Variants in LPIN1 observed in about 807,000 individuals in gnomAD.
LPIN1 encodes lipin 1, also known as phosphatidate phosphatase LPIN1.
A neutral mutation model predicts 107.5 loss-of-function variants in LPIN1; 71 were observed. That is an observed-to-expected ratio of 0.66 (90% confidence interval 0.55 to 0.80). The LOEUF is 0.80. Among genes scored for constraint, LPIN1 ranks in the 30% least tolerant of loss-of-function variants. LPIN1 has a pLI of 0.00. For synonymous variants in LPIN1, 445 were observed against 452.6 expected (o/e 0.98, Z 0.21); for missense variants, 1,043 against 1,160.6 (o/e 0.90, Z 1.47).
intron 1 of LPIN1, among the ~76,000 whole-genome samples, chr2:11,709,673 G>T (rs73915498): frequency 0.022 from 3,351 of 152,302 alleles, 132 homozygotes; most frequent in African/African-American, 0.076. Flanking sequence ...GTTTCTATAT[G>T]AAAATGTTAC....
rs548444822 is a variant in LPIN1 at position 11,801,448 on chromosome 2, G to T, written c.1887-1459G>T. ...TAAAAAAGAATGAATCCTGTCATTT[G>T]TGGCAACGTGGGTGGAATAGGAGGT... On this transcript the variant is annotated intron_variant, in intron 14 of 20. Transcript: ENST00000674199. Among the ~76,000 whole-genome samples the T allele has an allele frequency of 1.3e-4, 20 of 152,332 alleles. 1 individual carries two copies. The South Asian group carries it at 4.1e-3, about 32-fold the overall frequency.
At chr2:11,759,295 A>G (rs1380853110) in intron 1 of LPIN1, among the ~76,000 whole-genome samples, 2 of 151,832 alleles carry the variant, frequency 1.3e-5, no homozygotes, top group Non-Finnish European at 2.9e-5. Context: ...AAGTGAACAA[A>G]GGTCTCTGGT....
chr2:11,804,986 T>TG, intron 16 of LPIN1, 84 bp from the exon 17 acceptor site: 94 of 836,842 alleles, frequency 1.1e-4, no homozygotes, highest in Middle Eastern at 2.3e-4. Flanking sequence ...GTTTGTGTTT[T>TG]TTTTTTTTTT....
intron 9 of LPIN1, chr2:11,784,329 G>A: frequency 1.4e-6 from 1 of 710,458 alleles, no homozygotes. Flanking sequence ...AAAAAAGTGT[G>A]AGAGAGAGGC....
intron 1 of LPIN1, among the ~76,000 whole-genome samples, chr2:11,700,877 C>T (rs772159538): frequency 2.6e-5 from 4 of 152,212 alleles, no homozygotes; most frequent in Non-Finnish European, 5.9e-5. Flanking sequence ...CTCCATATGC[C>T]TAGGCTCCCA....
intron 1 of LPIN1, among the ~76,000 whole-genome samples, chr2:11,762,523 C>T (rs1336865717): frequency 6.6e-6 from 1 of 152,112 alleles, no homozygotes; most frequent in Admixed American, 6.5e-5. Context: ...CCCCCATCCT[C>T]CGAGAGTCCT....
chr2:11,803,087 G>A lies in LPIN1; in HGVS notation c.2013+54G>A, dbSNP rs186381518. On this transcript the variant is annotated intron_variant, in intron 15 of 20. Coordinates refer to ENST00000674199, the MANE Select transcript of LPIN1 (RefSeq NM_001349206.2). This position sits in a 1 kb window ranked among gnomAD's most constrained non-coding sequence, Gnocchi z 4.2. ...GTTGTGAGCACATGAGGTTTCTGCA[G>A]ACTCCTAAGGCTGTGTGATGGTTGG... 3.1e-6 allele frequency: 5 copies of A among 1,608,852 alleles called. No homozygotes were observed. Among genetic ancestry groups the A allele is most frequent in the Admixed American group, 3.3e-5 (2 of 60,018 alleles).
chr2:11,798,250 C>T (rs140954635), intron 14 of LPIN1, among the ~76,000 whole-genome samples: 336 of 152,250 alleles, frequency 2.2e-3, no homozygotes, highest in African/African-American at 7.6e-3. Context: ...AGTGTGAGAA[C>T]GGACTAATAC....
intron 1 of LPIN1, among the ~76,000 whole-genome samples, chr2:11,726,321 G>C (rs1664648412): frequency 6.6e-6 from 1 of 152,104 alleles, no homozygotes. Flanking sequence ...ATGACGAATC[G>C]GTCTCCATCT....
At chr2:11,764,031 C>A (rs1670311626) in intron 1 of LPIN1, among the ~76,000 whole-genome samples, 3 of 125,904 alleles carry the variant, frequency 2.4e-5, no homozygotes, top group Admixed American at 8.1e-5. Flanking sequence ...TTTTGTCCAG[C>A]CAGAGCAAGA....
Position 11,771,521 on chromosome 2 carries a change from G to T in LPIN1, c.438G>T (p.Pro146=), listed in dbSNP as rs762701125. Residue 146 remains proline (P), a synonymous_variant, in exon 4 of 21, where the codon CCG becomes CCT. Coordinates refer to ENST00000674199, the MANE Select transcript of LPIN1 (RefSeq NM_001349206.2). This position sits in a 1 kb window ranked among gnomAD's most constrained non-coding sequence, Gnocchi z 4.8. ...PAQVIAPSET[P]SSSSVVKKRR... The stretch of plus-strand genomic sequence containing the variant: ...AAGTGATCGCTCCCAGCGAGACGCC[G>T]TCAAGCAGCTCTGTAGTAAAGAAGA... 53 of 1,614,140 alleles carry T rather than the reference G, an allele frequency of 3.3e-5. No individual in the cohort carries two copies. The highest frequency in any genetic ancestry group is 4.2e-5 in the Non-Finnish European group (50 of 1,180,024).
intron 2 of LPIN1, among the ~76,000 whole-genome samples, chr2:11,766,446 C>T (rs866782312): frequency 1.4e-4 from 22 of 152,092 alleles, no homozygotes; most frequent in South Asian, 2.1e-4. Flanking sequence ...TAGCCTCCTG[C>T]CAGAAGCAGA....
At chr2:11,708,655 A>T (rs1440787367) in intron 1 of LPIN1, among the ~76,000 whole-genome samples, 1 of 152,184 alleles carries the variant, frequency 6.6e-6, no homozygotes, top group African/African-American at 2.4e-5. Context: ...GCTGTGTTGC[A>T]CTTGGCCAGT....
In LPIN1 at chr2:11,791,898, C is replaced by A; in HGVS notation, c.1714-16C>A. On this transcript the variant is annotated splice_polypyrimidine_tract_variant and intron_variant, in intron 12 of 20. Coordinates refer to ENST00000674199, the MANE Select transcript of LPIN1 (RefSeq NM_001349206.2). ...TTTTTTGTTCCATTATTTATGTTAC[C>A]ATCCATTTAAAACAGGCCACTGTGG... 1 of 1,611,756 alleles carries A rather than the reference C, an allele frequency of 6.2e-7. No homozygotes were observed. Among genetic ancestry groups the A allele is most frequent in the South Asian group, 1.1e-5 (1 of 90,906 alleles).
intron 1 of LPIN1, among the ~76,000 whole-genome samples, chr2:11,701,726 C>T (rs951949276): frequency 3.3e-5 from 5 of 152,206 alleles, no homozygotes; most frequent in East Asian, 3.8e-4. Flanking sequence ...ATGACTAGGT[C>T]GAGGTCACAC....
In LPIN1 at chr2:11,793,687, A is replaced by G. The variant is rs1676180042; in HGVS notation, c.1806+1681A>G. On this transcript the variant is annotated intron_variant, in intron 13 of 20. Transcript: ENST00000674199. The stretch of plus-strand genomic sequence containing the variant: ...TCTCCCCTGCTTCGCTTAGCTAACT[A>G]GCAGATCCAGTAGCCCTTTCCCTGC... Among the ~76,000 whole-genome samples the G allele has an allele frequency of 2.6e-5, 4 of 152,322 alleles. No individual in the cohort carries two copies. The South Asian group carries it at 6.2e-4, about 24-fold the overall frequency.
intron 1 of LPIN1, among the ~76,000 whole-genome samples, chr2:11,758,251 CCTG>C (rs1558817133): frequency 6.6e-6 from 1 of 150,968 alleles, no homozygotes; most frequent in Non-Finnish European, 1.5e-5. Context: ...CTTTTCGAGA[CCTG>C]CTTTCAGTTT....
chr2:11,748,550 TG>T (rs1667307484), intron 1 of LPIN1, among the ~76,000 whole-genome samples: 1 of 152,174 alleles, frequency 6.6e-6, no homozygotes, highest in Admixed American at 6.5e-5. Flanking sequence ...CGAATCATTG[TG>T]GTTGTTATGA....
chr2:11,795,491 C>A lies in LPIN1; in HGVS notation c.1886+4C>A, dbSNP rs774682203. 3 of 1,613,500 alleles carry A rather than the reference C, an allele frequency of 1.9e-6. No homozygotes were observed. In the African/African-American group the frequency reaches 4.0e-5, roughly 22 times the overall value. On this transcript the variant is annotated splice_donor_region_variant and intron_variant, in intron 14 of 20. Transcript: ENST00000674199. ...CGCAGCTCAGCTTGGCCACCAGGTG[C>A]GGTAGGAGGCTTCTTGGGATGTTTG...
Sources: gnomAD v4.1 joint callset for allele counts (sites outside exome capture counted in the v4.1 genomes callset) on GRCh38, gnomAD v4.1.1 for gene constraint, Gnocchi (gnomAD v3.1) non-coding constraint, MANE v1.5 for transcripts, NCBI Gene and HGNC (gene_info 2026-07-23, HGNC 2026-07-21) for gene names.